Variants in MYO18B observed in about 807,000 individuals in gnomAD.
MYO18B encodes unconventional myosin-XVIIIb.
A neutral mutation model predicts 273.0 loss-of-function variants in MYO18B; 204 were observed. The observed-to-expected ratio is 0.75, with a 90% CI of 0.67 to 0.84. The LOEUF (loss-of-function observed/expected upper bound fraction) is 0.84, where lower values mean the gene tolerates loss of function less well. Ranked by LOEUF, MYO18B falls within the 40% of genes least tolerant of loss-of-function variation. MYO18B has a pLI of 0.00. For synonymous variants in MYO18B, 1,330 were observed against 1,305.7 expected (o/e 1.02, Z -0.40); for missense variants, 3,212 against 3,287.6 (o/e 0.98, Z 0.56).
At chr22:25,763,096 G>T (rs2146601812) in intron 2 of MYO18B, 135 bp from the exon 3 acceptor site, 1 of 1,027,018 alleles carries the variant, frequency 9.7e-7, no homozygotes, top group East Asian at 2.4e-5. Context: ...CTGCTTGGCT[G>T]TGGCTTCTCA....
At chr22:25,990,412 G>A (rs1184345176) in intron 39 of MYO18B, among the ~76,000 whole-genome samples, 1 of 152,092 alleles carries the variant, frequency 6.6e-6, no homozygotes, top group Non-Finnish European at 1.5e-5. Flanking sequence ...GAGGCCGGGT[G>A]CAGTGGCTCA....
intron 34 of MYO18B, among the ~76,000 whole-genome samples, chr22:25,938,356 T>C (rs1350875295): frequency 6.6e-6 from 1 of 152,222 alleles, no homozygotes; most frequent in Non-Finnish European, 1.5e-5. Flanking sequence ...GGCCTCACAC[T>C]GAATGAAACA....
intron 39 of MYO18B, among the ~76,000 whole-genome samples, chr22:25,992,005 T>C (rs1050927886): frequency 2.4e-4 from 37 of 152,220 alleles, no homozygotes; most frequent in African/African-American, 8.0e-4. Context: ...ATGACCCTTC[T>C]TGGTTTTTAC....
At chr22:25,993,257 G>A (rs936603475) in intron 40 of MYO18B, among the ~76,000 whole-genome samples, 12 of 152,180 alleles carry the variant, frequency 7.9e-5, no homozygotes, top group African/African-American at 2.9e-4. Flanking sequence ...GTTCCCAGGA[G>A]CTACCTTTGT....
At chr22:25,901,807 T>C (rs1019586407) in intron 29 of MYO18B, among the ~76,000 whole-genome samples, 1 of 44,340 alleles carries the variant, frequency 2.3e-5, no homozygotes, top group South Asian at 8.0e-4. Context: ...TTTGGGTTGG[T>C]TTTTTTTTTT....
At chr22:25,814,618 A>G (rs117058083) in intron 12 of MYO18B, among the ~76,000 whole-genome samples, 3,427 of 152,122 alleles carry the variant, frequency 0.023, 63 homozygotes, top group Middle Eastern at 0.071. Context: ...CTTGATTACC[A>G]GATACCCTAT....
downstream of MYO18B, among the ~76,000 whole-genome samples, chr22:26,031,599 T>G (rs1228350059): frequency 6.6e-6 from 1 of 152,204 alleles, no homozygotes; most frequent in Non-Finnish European, 1.5e-5. Context: ...TACTGCGGGT[T>G]AGAACTTCAA....
At chr22:25,894,213 T>G (rs911611545) in intron 27 of MYO18B, among the ~76,000 whole-genome samples, 1 of 152,240 alleles carries the variant, frequency 6.6e-6, no homozygotes, top group African/African-American at 2.4e-5. Flanking sequence ...GTCTTTTTAC[T>G]TGTTTCCCTT....
intron 1 of MYO18B, among the ~76,000 whole-genome samples, chr22:25,760,595 C>T (rs972639743): frequency 1.3e-5 from 2 of 152,094 alleles, no homozygotes; most frequent in Non-Finnish European, 2.9e-5. Context: ...GCGAATGGCT[C>T]CTCTGACTTC....
At chr22:25,940,035 ATCTCCTAGGCT>A (rs1249752298) in intron 34 of MYO18B, among the ~76,000 whole-genome samples, 1 of 152,234 alleles carries the variant, frequency 6.6e-6, no homozygotes, top group Non-Finnish European at 1.5e-5. Flanking sequence ...TGTGCATGGC[ATCTCCTAGGCT>A]TGTACAGTGC....
intron 21 of MYO18B, among the ~76,000 whole-genome samples, chr22:25,863,201 T>TA (rs2090790345): frequency 6.6e-6 from 1 of 152,244 alleles, no homozygotes; most frequent in South Asian, 2.1e-4. Context: ...TGACATTTTT[T>TA]ATTTAAGGAG....
intron 27 of MYO18B, among the ~76,000 whole-genome samples, chr22:25,893,714 A>G (rs886990398): frequency 6.6e-6 from 1 of 152,028 alleles, no homozygotes; most frequent in Non-Finnish European, 1.5e-5. Flanking sequence ...AGAAATCTCT[A>G]TTGAGGTCAC....
At chr22:25,929,959 G>T (rs1348660728) in intron 34 of MYO18B, among the ~76,000 whole-genome samples, 2 of 151,854 alleles carry the variant, frequency 1.3e-5, no homozygotes, top group African/African-American at 4.8e-5. Context: ...CTAAAGTCCA[G>T]GTTTCTTCCC....
At chr22:26,041,886 C>A in the MYO18B span, among the ~76,000 whole-genome samples, 2 of 152,218 alleles carry the variant, frequency 1.3e-5, no homozygotes, top group Non-Finnish European at 2.9e-5. Flanking sequence ...AGGTGACATG[C>A]CCAGCTCCCC....
chr22:25,948,405 T>A (rs2092740819), intron 36 of MYO18B, among the ~76,000 whole-genome samples: 1 of 141,566 alleles, frequency 7.1e-6, no homozygotes, highest in Non-Finnish European at 1.5e-5. Context: ...CTTTTTCCTG[T>A]CTTTCCTTCC....
intron 3 of MYO18B, among the ~76,000 whole-genome samples, chr22:25,765,682 A>G (rs905900611): frequency 2.0e-5 from 3 of 151,776 alleles, no homozygotes; most frequent in African/African-American, 7.3e-5. Context: ...GTTTCCCTCT[A>G]TATGCTAAAA....
At chr22:25,862,898 T>C (rs927992400) in intron 21 of MYO18B, among the ~76,000 whole-genome samples, 7 of 152,120 alleles carry the variant, frequency 4.6e-5, no homozygotes, top group Non-Finnish European at 7.4e-5. Context: ...TTCATACTTT[T>C]TAAAATCTTT....
chr22:25,973,850 A>G (rs1351794456), intron 39 of MYO18B, among the ~76,000 whole-genome samples: 5 of 152,180 alleles, frequency 3.3e-5, no homozygotes, highest in Non-Finnish European at 7.3e-5. Context: ...TTGAACTCAC[A>G]CATGACTTTT....
chr22:26,046,867 GAA>G, the MYO18B span, among the ~76,000 whole-genome samples: 1 of 152,180 alleles, frequency 6.6e-6, no homozygotes, highest in African/African-American at 2.4e-5. Flanking sequence ...GGGGTAGCTG[GAA>G]AGTCCAATAT....
Sources: gnomAD v4.1 joint callset for allele counts (sites outside exome capture counted in the v4.1 genomes callset) on GRCh38, gnomAD v4.1.1 for gene constraint, MANE v1.5 for transcripts, NCBI Gene and HGNC (gene_info 2026-07-23, HGNC 2026-07-21) for gene names.